The following METAP2 variants were observed in gnomAD, a reference collection of about 807,000 sequenced individuals.
The protein encoded by METAP2 is methionyl aminopeptidase 2, also known as methionine aminopeptidase 2.
Under a neutral mutation model 59.4 loss-of-function variants are expected in METAP2, and 25 were observed. The observed-to-expected ratio is 0.42, with a 90% CI of 0.31 to 0.59. The LOEUF (loss-of-function observed/expected upper bound fraction) is 0.59. Among genes scored for constraint, METAP2 ranks in the 20% least tolerant of loss-of-function variants. The pLI is 0.16. For synonymous variants in METAP2, 214 were observed against 194.1 expected (o/e 1.10, Z -0.85); for missense variants, 366 against 581.2 (o/e 0.63, Z 3.81).
At chr12:95,501,498 C>T (rs118166403) in intron 7 of METAP2, among the ~76,000 whole-genome samples, 5,584 of 152,158 alleles carry the variant, frequency 0.037, 172 homozygotes, top group East Asian at 0.2. Context: ...GGGCGGATCA[C>T]GAGGTCAAGA....
At chr12:95,477,136 C>G (rs1157608961) in intron 2 of METAP2, among the ~76,000 whole-genome samples, 1 of 151,950 alleles carries the variant, frequency 6.6e-6, no homozygotes, top group African/African-American at 2.4e-5. Flanking sequence ...CCGAGTCTCG[C>G]TCTGTCGCAC....
At position 95,494,052 on chromosome 12, in the gene METAP2, A is replaced by G. The variant is rs529784453; in HGVS notation, c.429-4A>G. On this transcript the variant is annotated splice_region_variant and splice_polypyrimidine_tract_variant and intron_variant, in intron 4 of 10. Transcript: ENST00000323666. The stretch of plus-strand genomic sequence containing the variant: ...ACTAATAGTATTCTATGCCCACTCT[A>G]AAGGCGAACAGCTGCTTGGAGAACT... 1.7e-5 allele frequency: 28 copies of G among 1,613,306 alleles called. No individual in the cohort carries two copies. In the East Asian group the frequency reaches 5.4e-4, roughly 31 times the overall value.
At chr12:95,483,997 A>C (rs982596716) in intron 3 of METAP2, among the ~76,000 whole-genome samples, 5 of 152,148 alleles carry the variant, frequency 3.3e-5, no homozygotes, top group African/African-American at 1.2e-4. Context: ...TGTAAGTGCC[A>C]CAACCAAACA....
intron 8 of METAP2, among the ~76,000 whole-genome samples, chr12:95,509,519 C>G (rs1036095465): frequency 6.6e-6 from 1 of 152,150 alleles, no homozygotes; most frequent in African/African-American, 2.4e-5. Context: ...GGCAGATGTC[C>G]TTGCAGAAGT....
At chr12:95,476,672 A>C (rs186286434) in intron 2 of METAP2, among the ~76,000 whole-genome samples, 175 of 152,306 alleles carry the variant, frequency 1.1e-3, no homozygotes, top group Non-Finnish European at 2.0e-3. Flanking sequence ...AGTCTTGAAA[A>C]AGTTCAATGT....
At chr12:95,501,618 G>A (rs2076316382) in intron 7 of METAP2, among the ~76,000 whole-genome samples, 1 of 152,052 alleles carries the variant, frequency 6.6e-6, no homozygotes, top group Non-Finnish European at 1.5e-5. Context: ...AGGAGGCTGA[G>A]GCAGGAGAAT....
rs2076425731 is a variant in METAP2, at chr12:95,514,080, A to G, written c.*176A>G. The stretch of plus-strand genomic sequence containing the variant: ...GCAAACCGTCTAATGTAATTAACCA[A>G]CGAAAAAGCTTTCCGGACTTTTAAA... On this transcript the variant is annotated 3_prime_UTR_variant, in exon 11 of 11. Transcript: ENST00000323666. The G allele has an allele frequency of 4.3e-6, 3 of 690,874 alleles. No homozygotes were observed. The highest frequency in any genetic ancestry group is 7.4e-5 in the Admixed American group (2 of 27,000). The allele number at this position is 690,874 out of a possible 1,614,324, so 42.8% of individuals were successfully genotyped here. A position where few individuals can be genotyped will look rare whatever the true frequency, so the allele number is the denominator to read the frequency against.
At chr12:95,497,124 C>T (rs1039526107) in intron 7 of METAP2, among the ~76,000 whole-genome samples, 1 of 152,128 alleles carries the variant, frequency 6.6e-6, no homozygotes, top group African/African-American at 2.4e-5. Flanking sequence ...CGCGCCTGGC[C>T]ATTTTTAAGT....
chr12:95,506,711 ATATCTT>A (rs2076363094), intron 8 of METAP2, among the ~76,000 whole-genome samples: 1 of 151,940 alleles, frequency 6.6e-6, no homozygotes, highest in South Asian at 2.1e-4. Flanking sequence ...TCTCTCATCT[ATATCTT>A]TAACTTCTTT....
chr12:95,497,007 T>C (rs181449858), intron 7 of METAP2, among the ~76,000 whole-genome samples: 6 of 152,044 alleles, frequency 3.9e-5, no homozygotes, highest in African/African-American at 1.2e-4. Flanking sequence ...ATGTTTCTAG[T>C]AGAGATGGGG....
chr12:95,489,315 TTAAA>T (rs750345007), intron 4 of METAP2, among the ~76,000 whole-genome samples: 11 of 152,200 alleles, frequency 7.2e-5, no homozygotes, highest in African/African-American at 1.9e-4. Context: ...TCTATTGAAA[TTAAA>T]TAAGTAGAAT....
intron 3 of METAP2, 195 bp downstream of exon 3, chr12:95,483,475 C>CAAAAAAAAAAAAAAAAAA (rs141083015): frequency 3.0e-5 from 2 of 65,748 alleles, no homozygotes; most frequent in Non-Finnish European, 5.8e-5. Flanking sequence ...GACTCTGTCT[C>CAAAAAAAAAAAAAAAAAA]AAAAAAAAAA....
intron 4 of METAP2, among the ~76,000 whole-genome samples, chr12:95,488,909 T>C (rs1462252007): frequency 6.6e-6 from 1 of 152,108 alleles, no homozygotes; most frequent in African/African-American, 2.4e-5. Context: ...CAAATGTCCT[T>C]GTTAGAATTC....
In METAP2 at chr12:95,480,725, A is replaced by G. The variant is rs1246664816; in HGVS notation, c.260-2490A>G. Among the ~76,000 whole-genome samples, 7 of 152,216 alleles carry G rather than the reference A, an allele frequency of 4.6e-5. No individual in the cohort carries two copies. The East Asian group carries it at 1.3e-3, about 29-fold the overall frequency. On this transcript the variant is annotated intron_variant, in intron 2 of 10. Transcript: ENST00000323666. Reference sequence around the variant, plus strand: ...TTATTTGTCATCCTATTGAATTGTAATAGTTCATTGTATATTCTGGTTGCA... The same window carrying G: ...TTATTTGTCATCCTATTGAATTGTAGTAGTTCATTGTATATTCTGGTTGCA...
At position 95,513,868 on chromosome 12, in the gene METAP2, A is replaced by T; in HGVS notation, c.1401A>T (p.Thr467=). The T allele has an allele frequency of 6.2e-7, 1 of 1,614,170 alleles. No homozygotes were observed. Among genetic ancestry groups the T allele is most frequent in the Non-Finnish European group, 8.5e-7 (1 of 1,180,006 alleles). Reference sequence around the variant, plus strand: ...AACATACCATCCTGTTGCGTCCAACATGTAAAGAAGTTGTCAGCAGAGGAG... The same window carrying T: ...AACATACCATCCTGTTGCGTCCAACTTGTAAAGAAGTTGTCAGCAGAGGAG... The part of the protein sequence containing the change: ...QFEHTILLRP[T]CKEVVSRGDD... Residue 467 remains threonine, a synonymous_variant, in exon 11 of 11, where the codon ACA becomes ACT. Coordinates refer to ENST00000323666, the MANE Select transcript of METAP2 (RefSeq NM_006838.4).
chr12:95,477,873 C>G (rs2076131864), intron 2 of METAP2, among the ~76,000 whole-genome samples: 1 of 152,148 alleles, frequency 6.6e-6, no homozygotes, highest in South Asian at 2.1e-4. Context: ...CTTCCTTAAA[C>G]CTCTGTTCTA....
intron 2 of METAP2, chr12:95,482,130 A>G (rs754806466): frequency 2.2e-6 from 1 of 453,640 alleles, no homozygotes; most frequent in Non-Finnish European, 4.4e-6. Context: ...TTGTTAGGAT[A>G]CAAGATCTCC....
In METAP2 at chr12:95,514,768, A is replaced by AG. The variant is rs2076433542; in HGVS notation, c.*865dup. The AG allele has an allele frequency of 6.6e-6, 1 of 152,106 alleles. No homozygotes were observed. The highest frequency in any genetic ancestry group is 2.4e-5 in the African/African-American group (1 of 41,394). The allele number at this position is 152,106 out of a possible 1,614,324, so 9.4% of individuals were successfully genotyped here. On this transcript the variant is annotated 3_prime_UTR_variant, in exon 11 of 11. Coordinates refer to ENST00000323666, the MANE Select transcript of METAP2 (RefSeq NM_006838.4). ...GGTATTAAAGCCACAAAAGCAAAGA[A>AG]GAAAAAAAAAAACTTCCCATGTTTG...
intron 4 of METAP2, 98 bp downstream of exon 4, chr12:95,486,079 A>T: frequency 1.2e-6 from 1 of 813,250 alleles, no homozygotes; most frequent in Middle Eastern, 2.2e-4. Flanking sequence ...CCACTACTTT[A>T]ATAAATGCTT....
Sources: gnomAD v4.1 joint callset for allele counts (sites outside exome capture counted in the v4.1 genomes callset) on GRCh38, gnomAD v4.1.1 for gene constraint, MANE v1.5 for transcripts, NCBI Gene and HGNC (gene_info 2026-07-23, HGNC 2026-07-21) for gene names.